The following MYT1L variants were observed in gnomAD, a reference collection of about 807,000 sequenced individuals.
The protein encoded by MYT1L is myelin transcription factor 1 like, also known as myelin transcription factor 1-like protein.
MYT1L carries 12 observed loss-of-function variants against 126.7 expected under a neutral mutation model. The observed-to-expected ratio is 0.09, with a 90% CI of 0.06 to 0.15. The LOEUF (loss-of-function observed/expected upper bound fraction) is 0.15. Ranked by LOEUF, MYT1L falls within the 10% of genes least tolerant of loss-of-function variation. MYT1L has a pLI of 1.00. For synonymous variants in MYT1L, 541 were observed against 604.2 expected, an observed-to-expected ratio of 0.90 and a Z score of 1.53; for missense variants, 979 against 1,585.2, an observed-to-expected ratio of 0.62 and a Z score of 6.49.
At chr2:2,306,889 T>C (rs1485348932) in intron 1 of MYT1L, among the ~76,000 whole-genome samples, 1 of 152,124 alleles carries the variant, frequency 6.6e-6, no homozygotes. Flanking sequence ...TAGCTATCAA[T>C]GCAAGGTAGA....
intron 8 of MYT1L, among the ~76,000 whole-genome samples, chr2:1,958,149 T>C (rs1259559004): frequency 6.6e-6 from 1 of 152,134 alleles, no homozygotes; most frequent in Non-Finnish European, 1.5e-5. Flanking sequence ...TTTAGAGAAA[T>C]GCAATATTGC....
intron 8 of MYT1L, among the ~76,000 whole-genome samples, chr2:1,966,355 A>C (rs754594774): frequency 2.0e-5 from 3 of 152,220 alleles, no homozygotes; most frequent in Non-Finnish European, 2.9e-5. Context: ...TAAAAACAAG[A>C]CAATTCCGGT....
chr2:2,099,344 G>GT (rs3047991), intron 3 of MYT1L, among the ~76,000 whole-genome samples: 6,709 of 144,134 alleles, frequency 0.047, 204 homozygotes, highest in Non-Finnish European at 0.069. Context: ...AATGTCATTT[G>GT]TTTTTTTTTT....
At chr2:2,196,931 A>G (rs921714653) in intron 2 of MYT1L, among the ~76,000 whole-genome samples, 7 of 152,098 alleles carry the variant, frequency 4.6e-5, no homozygotes, top group African/African-American at 1.4e-4. Flanking sequence ...TAAAAATTGA[A>G]CCCAACTAAA....
At chr2:2,208,516 C>T (rs1280148004) in intron 2 of MYT1L, among the ~76,000 whole-genome samples, 1 of 152,142 alleles carries the variant, frequency 6.6e-6, no homozygotes, top group Non-Finnish European at 1.5e-5. Context: ...GGGACTGAGC[C>T]TCCTTTGCAT....
intron 18 of MYT1L, among the ~76,000 whole-genome samples, chr2:1,856,304 GAAACAATCTC>G (rs2043908341): frequency 6.6e-6 from 1 of 152,132 alleles, no homozygotes; most frequent in Admixed American, 6.5e-5. Flanking sequence ...CACCACCAAA[GAAACAATCTC>G]TGTGAGCCTG....
rs80300339 is a variant in MYT1L at position 1,804,763 on chromosome 2, G to A, written c.3173-2964C>T. Among the ~76,000 whole-genome samples the A allele has an allele frequency of 9.3e-3, 1,412 of 152,202 alleles. 23 individuals are homozygous for A. Among genetic ancestry groups the A allele is most frequent in the African/African-American group, 0.031 (1,286 of 41,534 alleles). On this transcript the variant is annotated intron_variant, in intron 22 of 24. Transcript: ENST00000647738. Reference sequence around the variant, plus strand: ...CTTTTCCTTACAGCTGAATAGAAACGTGAGTTCCCACAGTTTGGAGCTCTC... The same window carrying A: ...CTTTTCCTTACAGCTGAATAGAAACATGAGTTCCCACAGTTTGGAGCTCTC...
At chr2:2,281,618 G>T (rs2095447906) in intron 2 of MYT1L, among the ~76,000 whole-genome samples, 1 of 152,118 alleles carries the variant, frequency 6.6e-6, no homozygotes, top group South Asian at 2.1e-4. Context: ...AACTTAACTT[G>T]TGTATTTAGA....
Position 2,086,166 on chromosome 2 carries a change from C to T in MYT1L, c.-303-32043G>A, listed in dbSNP as rs547610420. On this transcript the variant is annotated intron_variant, in intron 3 of 24. Coordinates refer to ENST00000647738, the MANE Select transcript of MYT1L (RefSeq NM_001303052.2). ...TTAAGGGAACAGTGAGTATGGAGGGCCAGACCTCACAGTTTACTCTTTAGT... is the reference window on the plus strand; with the variant it reads ...TTAAGGGAACAGTGAGTATGGAGGGTCAGACCTCACAGTTTACTCTTTAGT... Among the ~76,000 whole-genome samples, 8 of 152,174 alleles carry T rather than the reference C, an allele frequency of 5.3e-5. No homozygotes were observed. The South Asian group carries it at 1.2e-3, about 24-fold the overall frequency.
At chr2:2,266,471 T>C (rs949846377) in intron 2 of MYT1L, among the ~76,000 whole-genome samples, 1 of 151,848 alleles carries the variant, frequency 6.6e-6, no homozygotes, top group African/African-American at 2.4e-5. Flanking sequence ...AGGCCCAAAG[T>C]AGTAAAAATA....
At chr2:2,284,786 G>T (rs1036408007) in intron 1 of MYT1L, among the ~76,000 whole-genome samples, 5 of 121,050 alleles carry the variant, frequency 4.1e-5, no homozygotes, top group Admixed American at 1.5e-4. Flanking sequence ...GCTCACTGGA[G>T]CCTGTCTCCT....
chr2:1,863,061 G>A (rs569847172), intron 18 of MYT1L, among the ~76,000 whole-genome samples: 7 of 152,324 alleles, frequency 4.6e-5, no homozygotes, highest in Admixed American at 2.0e-4. Context: ...GAATGGTAGC[G>A]TGTCCAGATG....
chr2:2,073,380 G>A (rs2074842390), intron 3 of MYT1L, among the ~76,000 whole-genome samples: 1 of 152,020 alleles, frequency 6.6e-6, no homozygotes, highest in Non-Finnish European at 1.5e-5. Flanking sequence ...ACTGTAAGAA[G>A]ATTACAGAAA....
intron 2 of MYT1L, among the ~76,000 whole-genome samples, chr2:2,276,709 A>T (rs2095364475): frequency 6.6e-6 from 1 of 152,012 alleles, no homozygotes; most frequent in Admixed American, 6.6e-5. Flanking sequence ...AGACTGAGGG[A>T]CCCTTGAATC....
chr2:2,055,156 T>C (rs1364010080), intron 3 of MYT1L, among the ~76,000 whole-genome samples: 1 of 151,974 alleles, frequency 6.6e-6, no homozygotes, highest in Admixed American at 6.6e-5. Flanking sequence ...GAAAGAGTCA[T>C]TTTTATGATT....
intron 21 of MYT1L, among the ~76,000 whole-genome samples, chr2:1,832,033 A>G (rs1219282633): frequency 2.2e-4 from 33 of 152,026 alleles, no homozygotes; most frequent in Admixed American, 2.2e-3. Context: ...TGAAATAACC[A>G]TCTTTCCCCA....
intron 19 of MYT1L, chr2:1,841,475 CA>C (rs906297915): frequency 5.3e-5 from 8 of 152,360 alleles, no homozygotes; most frequent in Admixed American, 2.6e-4. Flanking sequence ...CTTCTGGGCA[CA>C]AAGTCAAAAT....
chr2:2,218,326 A>T (rs1037380995), intron 2 of MYT1L, among the ~76,000 whole-genome samples: 6 of 152,242 alleles, frequency 3.9e-5, no homozygotes, highest in African/African-American at 1.4e-4. Flanking sequence ...AATATCCATC[A>T]ACAGTTGATT....
chr2:1,853,515 T>C (rs543388787), intron 18 of MYT1L, among the ~76,000 whole-genome samples: 13 of 152,346 alleles, frequency 8.5e-5, no homozygotes, highest in African/African-American at 3.1e-4. Flanking sequence ...CTTATGTGGG[T>C]AAACTCCAAA....
Sources: gnomAD v4.1 joint callset for allele counts (sites outside exome capture counted in the v4.1 genomes callset) on GRCh38, gnomAD v4.1.1 for gene constraint, MANE v1.5 for transcripts, NCBI Gene and HGNC (gene_info 2026-07-23, HGNC 2026-07-21) for gene names.